Variants in BPHL observed in about 807,000 individuals in gnomAD.
BPHL encodes biphenyl hydrolase like, also known as serine hydrolase BPHL.
Under a neutral mutation model 31.2 loss-of-function variants are expected in BPHL, and 27 were observed. That is an observed-to-expected ratio of 0.87 (90% CI 0.64 to 1.19). The LOEUF is 1.19. BPHL is among the 50% of genes most tolerant of loss of function. The pLI is 0.00. For synonymous variants in BPHL, 150 were observed against 146.8 expected, an observed-to-expected ratio of 1.02 and a Z score of -0.16; for missense variants, 356 against 375.7, an observed-to-expected ratio of 0.95 and a Z score of 0.43.
Position 3,123,637 on chromosome 6 carries a change from ATG to A in BPHL, c.108-16_108-15del. ...CCATCTCCCCTTTCCCCCTGTGGGG[ATG>A]TGTTTTTTCTCTTCTAGCACCTCGG... On this transcript the variant is annotated intron_variant, in intron 1 of 6. Transcript: ENST00000380379. 1 of 1,602,096 alleles carries A rather than the reference ATG, an allele frequency of 6.2e-7. No individual in the cohort carries two copies. The highest frequency in any genetic ancestry group is 1.1e-5 in the South Asian group (1 of 89,952).
intron 6 of BPHL, among the ~76,000 whole-genome samples, chr6:3,151,220 T>C (rs1354800838): frequency 6.6e-6 from 1 of 152,186 alleles, no homozygotes; most frequent in East Asian, 1.9e-4. Context: ...GGCAATTCGT[T>C]CTTTCCTGTT....
At chr6:3,142,790 T>A (rs561961870) in intron 6 of BPHL, among the ~76,000 whole-genome samples, 1 of 152,306 alleles carries the variant, frequency 6.6e-6, no homozygotes, top group Non-Finnish European at 1.5e-5. Flanking sequence ...AATGACAGGT[T>A]TTGCACAGTG....
At chr6:3,119,572 T>C in intron 1 of BPHL, 2 of 1,601,992 alleles carry the variant, frequency 1.2e-6, no homozygotes, top group Non-Finnish European at 1.7e-6. Context: ...AAATGGATAC[T>C]CTTGGTCCCA....
Position 3,127,228 on chromosome 6 carries a change from G to C in BPHL, c.212-14G>C. ...AAAGCGATCACCTGAGGGTAACCAA[G>C]TGGCTGTTTTTAGGAAGTGGAGAGA... is the stretch of plus-strand genomic sequence containing the variant. On this transcript the variant is annotated splice_polypyrimidine_tract_variant and intron_variant, in intron 2 of 6. Coordinates refer to ENST00000380379, the MANE Select transcript of BPHL (RefSeq NM_004332.4). 6.6e-7 allele frequency: 1 copy of C among 1,508,266 alleles called. No individual in the cohort carries two copies. Among genetic ancestry groups the C allele is most frequent in the East Asian group, 2.3e-5 (1 of 42,582 alleles). The allele number at this position is 1,508,266 out of a possible 1,614,324, so 93.4% of individuals were successfully genotyped here. A position where few individuals can be genotyped will look rare whatever the true frequency, so the allele number is the denominator to read the frequency against.
chr6:3,131,175 A>G (rs905179615), intron 4 of BPHL, among the ~76,000 whole-genome samples: 4 of 152,110 alleles, frequency 2.6e-5, no homozygotes, highest in Non-Finnish European at 5.9e-5. Context: ...GGAAAGAGCC[A>G]CCTGCATTCC....
chr6:3,143,533 T>C lies in BPHL; in HGVS notation c.788+3024T>C, dbSNP rs555520696. Among the ~76,000 whole-genome samples, 7 of 152,338 alleles carry C rather than the reference T, an allele frequency of 4.6e-5. No homozygotes were observed. In the South Asian group the frequency reaches 1.0e-3, roughly 23 times the overall value. ...TTTTAGTCGGTTGAAGCCCTTCCTC[T>C]AACAAGCACTTGTGCTGCAGTCTGA... On this transcript the variant is annotated intron_variant, in intron 6 of 6. Transcript: ENST00000380379.
intron 4 of BPHL, among the ~76,000 whole-genome samples, chr6:3,135,256 A>G (rs1262951211): frequency 6.6e-6 from 1 of 152,176 alleles, no homozygotes; most frequent in African/African-American, 2.4e-5. Context: ...CTTTTCTTTC[A>G]TCCACCTTTT....
In BPHL at chr6:3,152,128, A is replaced by G. The variant is rs184046291; in HGVS notation, c.789-360A>G. Among the ~76,000 whole-genome samples, 8 of 152,322 alleles carry G rather than the reference A, an allele frequency of 5.3e-5. No individual in the cohort carries two copies. The East Asian group carries it at 1.5e-3, about 29-fold the overall frequency. ...TATCTTCTTACCAACCTTCTCTCTT[A>G]AAATCAGCTTCATTAAAATGGATTT... On this transcript the variant is annotated intron_variant, in intron 6 of 6. Transcript: ENST00000380379.
chr6:3,129,485 TG>T (rs1761808825), intron 4 of BPHL, among the ~76,000 whole-genome samples: 1 of 151,336 alleles, frequency 6.6e-6, no homozygotes, highest in South Asian at 2.1e-4. Context: ...AAGGAGGGGG[TG>T]GTGTGAAGTG....
At chr6:3,138,625 C>A (rs573639425) in intron 5 of BPHL, 2 of 152,428 alleles carry the variant, frequency 1.3e-5, no homozygotes, top group East Asian at 3.9e-4. Context: ...TTGAAAACAG[C>A]AAATATATCA....
intron 5 of BPHL, chr6:3,139,618 C>G (rs1388588217): frequency 2.0e-5 from 3 of 152,292 alleles, no homozygotes; most frequent in Non-Finnish European, 4.4e-5. Flanking sequence ...CCTCTTGACA[C>G]ACACGGAGAG....
Position 3,127,258 on chromosome 6 carries a change from T to G in BPHL, c.228T>G (p.Asp76Glu), listed in dbSNP as rs202167616. 6.4e-7 allele frequency: 1 copy of G among 1,558,914 alleles called. No individual in the cohort carries two copies. Among genetic ancestry groups the G allele is most frequent in the Admixed American group, 1.8e-5 (1 of 55,550 alleles). ...LPGMLGSGET[D>E]FGPQLKNLNK... ...TGTTTTTAGGAAGTGGAGAGACTGATTTTGGACCTCAGCTCAAGAACCTCA... is the reference window on the plus strand; with the variant it reads ...TGTTTTTAGGAAGTGGAGAGACTGAGTTTGGACCTCAGCTCAAGAACCTCA... The change falls in exon 3 of 7, where the codon GAT (aspartate) becomes GAG (glutamate). Residue 76 changes from aspartate to glutamate, a missense_variant. By Grantham distance (45) the Asp-to-Glu change is conservative. Transcript: ENST00000380379.
intron 2 of BPHL, 77 bp downstream of exon 2, chr6:3,123,837 C>T (rs2113746352): frequency 8.8e-7 from 1 of 1,136,806 alleles, no homozygotes; most frequent in Non-Finnish European, 1.3e-6. Context: ...ATGCCAAATA[C>T]TGATGATTAA....
intron 5 of BPHL, chr6:3,138,062 A>G (rs888920223): frequency 1.2e-5 from 14 of 1,135,478 alleles, no homozygotes; most frequent in Admixed American, 6.9e-5. Context: ...CTCTGTCACC[A>G]GGCTGGAATG....
At chr6:3,129,014 C>T in intron 3 of BPHL, 31 bp from the exon 4 acceptor site, 1 of 1,614,098 alleles carries the variant, frequency 6.2e-7, no homozygotes, top group Non-Finnish European at 8.5e-7. Context: ...GAGCAATAAC[C>T]CGTGCCGTGC....
rs1762454793 is a variant in BPHL at position 3,149,028 on chromosome 6, C to T, written c.789-3460C>T. 6.6e-6 allele frequency among the ~76,000 whole-genome samples: 1 copy of T among 152,144 alleles called. No homozygotes were observed. Among genetic ancestry groups the T allele is most frequent in the South Asian group, 2.1e-4 (1 of 4,828 alleles). On this transcript the variant is annotated intron_variant, in intron 6 of 6. Coordinates refer to ENST00000380379, the MANE Select transcript of BPHL (RefSeq NM_004332.4). The surrounding 1 kb of genome is among the most constrained non-coding windows in gnomAD (Gnocchi z 4.6). Reference sequence around the variant, plus strand: ...AACAGCAGACATTTATTAAGCTTACCACGTACCCGCAGACCCTATGCTGCA... The same window carrying T: ...AACAGCAGACATTTATTAAGCTTACTACGTACCCGCAGACCCTATGCTGCA...
chr6:3,120,223 T>TG (rs1379255935), intron 1 of BPHL, among the ~76,000 whole-genome samples: 2 of 152,026 alleles, frequency 1.3e-5, no homozygotes, highest in African/African-American at 4.8e-5. Flanking sequence ...TTAGTAGAGA[T>TG]GGGGTTTCAC....
intron 4 of BPHL, among the ~76,000 whole-genome samples, chr6:3,135,341 T>C (rs1052661584): frequency 2.0e-5 from 3 of 152,224 alleles, no homozygotes; most frequent in African/African-American, 7.2e-5. Context: ...GTCTTCTGCC[T>C]TCCATCCTTG....
chr6:3,129,206 C>G lies in BPHL; in HGVS notation c.532+8C>G. On this transcript the variant is annotated splice_region_variant and intron_variant, in intron 4 of 6. Coordinates refer to ENST00000380379, the MANE Select transcript of BPHL (RefSeq NM_004332.4). ...ACAGCATGATATATGAGGGTAGGTT[C>G]TGCGAAGGGGAGATGCCGGGACGGC... The G allele has an allele frequency of 6.4e-7, 1 of 1,551,902 alleles. No individual in the cohort carries two copies. Among genetic ancestry groups the G allele is most frequent in the Non-Finnish European group, 8.7e-7 (1 of 1,150,800 alleles).
Sources: allele counts gnomAD v4.1 joint callset (sites outside exome capture counted in the v4.1 genomes callset), GRCh38; gene constraint gnomAD v4.1.1; non-coding constraint Gnocchi (gnomAD v3.1); transcripts MANE v1.5; gene names NCBI Gene and HGNC (gene_info 2026-07-23, HGNC 2026-07-21).